PNO1: variants seen among roughly 807,000 people sequenced by gnomAD.
The protein encoded by PNO1 is partner of NOB1 homolog.
PNO1 carries 16 observed loss-of-function variants against 28.4 expected under a neutral mutation model. The observed-to-expected ratio is 0.56, with a 90% CI of 0.38 to 0.85. The LOEUF is 0.85. Among genes scored for constraint, PNO1 ranks in the 40% least tolerant of loss-of-function variants. The pLI, the probability that PNO1 is intolerant of heterozygous loss-of-function variation, is 0.00. For synonymous variants in PNO1, 115 were observed against 110.8 expected (o/e 1.04, Z -0.24); for missense variants, 304 against 312.2 (o/e 0.97, Z 0.20).
rs1673697006 is a variant in PNO1, at chr2:68,157,907, A to G, written c.-28A>G. Reference sequence around the variant, plus strand: ...CGTGGTGCAGCTGCGCACGTGTTTCAGCCGGCAGCGCTTTAAGATTTCCGG... The same window carrying G: ...CGTGGTGCAGCTGCGCACGTGTTTCGGCCGGCAGCGCTTTAAGATTTCCGG... On this transcript the variant is annotated 5_prime_UTR_variant, in exon 1 of 7. Coordinates refer to ENST00000263657, the MANE Select transcript of PNO1 (RefSeq NM_020143.4). The G allele has an allele frequency of 1.2e-5, 19 of 1,603,556 alleles. No homozygotes were observed. Among genetic ancestry groups the G allele is most frequent in the Non-Finnish European group, 1.5e-5 (18 of 1,171,388 alleles).
intron 2 of PNO1, among the ~76,000 whole-genome samples, 166 bp from the exon 3 acceptor site, chr2:68,161,517 G>A (rs1673830301): frequency 6.6e-6 from 1 of 152,204 alleles, no homozygotes; most frequent in Admixed American, 6.5e-5. Context: ...TGCAAATAAA[G>A]TACAGCACTT....
chr2:68,173,523 G>GC, intron 6 of PNO1, 106 bp downstream of exon 6: 1 of 678,300 alleles, frequency 1.5e-6, no homozygotes, highest in Non-Finnish European at 2.6e-6. Context: ...ATTAAAGATC[G>GC]CAAGTAGAAA....
rs1212026060 is a variant in PNO1, at chr2:68,176,071, G to A, written c.*1269G>A. ...AAAATAATAGTAAGAACCATCATAA[G>A]TCTGTTTCTTCTAGTAAAGGTGAAA... On this transcript the variant is annotated 3_prime_UTR_variant, in exon 7 of 7. Coordinates refer to ENST00000263657, the MANE Select transcript of PNO1 (RefSeq NM_020143.4). 6.6e-6 allele frequency: 1 copy of A among 152,160 alleles called. No individual in the cohort carries two copies. The highest frequency in any genetic ancestry group is 6.5e-5 in the Admixed American group (1 of 15,280). 9.4% of individuals were successfully genotyped at this position (152,160 alleles called of 1,614,324 possible). A position where few individuals can be genotyped will look rare whatever the true frequency, so the allele number is the denominator to read the frequency against.
chr2:68,174,618 A>G, intron 6 of PNO1, 117 bp from the exon 7 acceptor site: 2 of 611,310 alleles, frequency 3.3e-6, no homozygotes, highest in East Asian at 5.2e-5. Context: ...TTGAGCATCC[A>G]AGGATTGTGG....
chr2:68,162,711 C>G, intron 5 of PNO1, 48 bp downstream of exon 5: 1 of 1,210,598 alleles, frequency 8.3e-7, no homozygotes, highest in Non-Finnish European at 1.2e-6. Context: ...TATATTTGAT[C>G]TTTTGTTTTA....
chr2:68,161,649 A>G, intron 2 of PNO1, 34 bp from the exon 3 acceptor site: 1 of 1,275,228 alleles, frequency 7.8e-7, no homozygotes, highest in Non-Finnish European at 1.1e-6. Context: ...TTGATTCTCA[A>G]CGGTATTTTG....
At chr2:68,163,764 C>T (rs184500001) in intron 5 of PNO1, among the ~76,000 whole-genome samples, 1 of 152,086 alleles carries the variant, frequency 6.6e-6, no homozygotes, top group Admixed American at 6.5e-5. Flanking sequence ...TATATGTGAA[C>T]ATAAACAAGA....
Position 68,158,402 on chromosome 2 carries a change from A to G in PNO1, c.230A>G (p.Lys77Arg), listed in dbSNP as rs970013019. ...GLLSGKEETR[K>R]IPVPANRYTP... ...CAGAGTGGGAAAGAAGAAACAAGGA[A>G]AATTCCAGTCCCAGCTAACAGATAC... The change falls in exon 2 of 7, where the codon AAA becomes AGA. Residue 77 changes from lysine to arginine, a missense_variant. Transcript: ENST00000263657. 47 of 1,611,822 alleles carry G rather than the reference A, an allele frequency of 2.9e-5. No individual in the cohort carries two copies. The highest frequency in any genetic ancestry group is 3.5e-5 in the Non-Finnish European group (41 of 1,179,350).
rs563562706 is a variant in PNO1, at chr2:68,175,801, G to C, written c.*999G>C. On this transcript the variant is annotated 3_prime_UTR_variant, in exon 7 of 7. Transcript: ENST00000263657. Reference sequence around the variant, plus strand: ...GCTTCTCAACTTATGATGGGTTTAGGTCCAGATAAGCCCACTGTGAGTTGA... The same window carrying C: ...GCTTCTCAACTTATGATGGGTTTAGCTCCAGATAAGCCCACTGTGAGTTGA... The C allele has an allele frequency of 5.9e-5, 9 of 152,130 alleles. No homozygotes were observed. Among genetic ancestry groups the C allele is most frequent in the African/African-American group, 1.2e-4 (5 of 41,424 alleles). The allele number at this position is 152,130 out of a possible 1,614,324, so 9.4% of individuals were successfully genotyped here.
chr2:68,166,219 G>C (rs982212542), intron 5 of PNO1, among the ~76,000 whole-genome samples: 1 of 152,084 alleles, frequency 6.6e-6, no homozygotes, highest in Non-Finnish European at 1.5e-5. Context: ...CAGGGATTAG[G>C]GATGCTGAAC....
intron 4 of PNO1, 24 bp downstream of exon 4, chr2:68,162,349 C>T: frequency 6.3e-6 from 10 of 1,582,560 alleles, no homozygotes; most frequent in African/African-American, 5.4e-5. Context: ...GGTCTGCGCT[C>T]TTGTGTCGCT....
rs1674258544 is a variant in PNO1, at chr2:68,175,627, T to G, written c.*825T>G. ...GCCATACCGTATTATACCATATACA[T>G]CAGTAAGAGCTCATCTTGGAACCTG... On this transcript the variant is annotated 3_prime_UTR_variant, in exon 7 of 7. Transcript: ENST00000263657. 7.0e-6 allele frequency: 1 copy of G among 143,746 alleles called. No homozygotes were observed. The highest frequency in any genetic ancestry group is 1.5e-5 in the Non-Finnish European group (1 of 66,776). The allele number at this position is 143,746 out of a possible 1,614,324, so 8.9% of individuals were successfully genotyped here.
intron 5 of PNO1, among the ~76,000 whole-genome samples, chr2:68,167,566 C>G (rs568098204): frequency 1.3e-5 from 2 of 152,334 alleles, no homozygotes; most frequent in South Asian, 4.1e-4. Flanking sequence ...GATAGCCTAT[C>G]CTTTCCTGCA....
At chr2:68,162,382 C>G (rs913186496) in intron 4 of PNO1, 57 bp downstream of exon 4, 1 of 1,338,272 alleles carries the variant, frequency 7.5e-7, no homozygotes, top group South Asian at 1.2e-5. Flanking sequence ...TGATGTGACT[C>G]TCAGTTTTCT....
rs1208612879 is a variant in PNO1, at chr2:68,158,565, G to C, written c.357+36G>C. 6 of 1,579,952 alleles carry C rather than the reference G, an allele frequency of 3.8e-6. No individual in the cohort carries two copies. The Admixed American group carries it at 1.0e-4, about 27-fold the overall frequency. On this transcript the variant is annotated intron_variant, in intron 2 of 6. Transcript: ENST00000263657. ...TCTCAATCATTTCCCAATACACCAG[G>C]CTTTCTCTCCTACAGAGATGAAAAG...
At chr2:68,161,547 C>A in intron 2 of PNO1, 136 bp from the exon 3 acceptor site, 2 of 642,686 alleles carry the variant, frequency 3.1e-6, no homozygotes, top group South Asian at 3.7e-5. Flanking sequence ...GAACCTGTGT[C>A]ATACAGAATA....
rs1325443902 is a variant in PNO1 at position 68,158,172 on chromosome 2, A to G, written c.207+31A>G. 1.9e-6 allele frequency: 3 copies of G among 1,550,838 alleles called. No individual in the cohort carries two copies. In the East Asian group the frequency reaches 6.8e-5, roughly 35 times the overall value. ...TGGCTGGGACCCTAGGACAGCAACG[A>G]GGCAAGGGCCAGACGCGGATCAAGC... On this transcript the variant is annotated intron_variant, in intron 1 of 6. Coordinates refer to ENST00000263657, the MANE Select transcript of PNO1 (RefSeq NM_020143.4).
At chr2:68,165,753 T>C (rs1469281224) in intron 5 of PNO1, among the ~76,000 whole-genome samples, 1 of 152,210 alleles carries the variant, frequency 6.6e-6, no homozygotes, top group East Asian at 1.9e-4. Context: ...TCATTAAGTT[T>C]ATTACTGGTA....
intron 5 of PNO1, among the ~76,000 whole-genome samples, chr2:68,168,866 C>T (rs1020756994): frequency 7.1e-4 from 106 of 149,234 alleles, no homozygotes; most frequent in African/African-American, 2.5e-3. Context: ...AAGTGGTGGG[C>T]AACTGCAACT....
Sources: allele counts gnomAD v4.1 joint callset (sites outside exome capture counted in the v4.1 genomes callset), GRCh38; gene constraint gnomAD v4.1.1; transcripts MANE v1.5; gene names NCBI Gene and HGNC (gene_info 2026-07-23, HGNC 2026-07-21).